IFNG-AS1: variants seen among roughly 807,000 people sequenced by gnomAD.
IFNG-AS1 encodes IFNG regulatory antisense RNA 1.
chr12:67,998,012 G>C (rs1879682671), intron 2 of IFNG-AS1, among the ~76,000 whole-genome samples: 1 of 152,064 alleles, frequency 6.6e-6, no homozygotes, highest in Admixed American at 6.5e-5. Context: ...TGTAGGGAAA[G>C]AGATACCCTC....
chr12:68,010,062 G>A (rs1879991627), intron 3 of IFNG-AS1, among the ~76,000 whole-genome samples: 1 of 152,176 alleles, frequency 6.6e-6, no homozygotes, highest in Non-Finnish European at 1.5e-5. Context: ...ACATATGAAT[G>A]TTTACCACTA....
chr12:68,010,788 T>C (rs1416740700), intron 3 of IFNG-AS1, among the ~76,000 whole-genome samples: 7 of 152,242 alleles, frequency 4.6e-5, no homozygotes, highest in Non-Finnish European at 1.0e-4. Flanking sequence ...ATACCCTTCA[T>C]GTGCCAGGCC....
chr12:68,006,669 T>G (rs1452012130), intron 3 of IFNG-AS1, among the ~76,000 whole-genome samples: 1 of 152,242 alleles, frequency 6.6e-6, no homozygotes, highest in Non-Finnish European at 1.5e-5. Context: ...TGGATCTGAC[T>G]TAATTAGCTG....
At chr12:68,002,254 A>G (rs971477178) in intron 2 of IFNG-AS1, among the ~76,000 whole-genome samples, 1 of 152,238 alleles carries the variant, frequency 6.6e-6, no homozygotes, top group Admixed American at 6.5e-5. Flanking sequence ...ATGGTAGGTC[A>G]TGGGGGGAGT....
At chr12:67,994,793 A>T (rs1879596791) in intron 1 of IFNG-AS1, among the ~76,000 whole-genome samples, 1 of 152,156 alleles carries the variant, frequency 6.6e-6, no homozygotes, top group South Asian at 2.1e-4. Context: ...GATGAAAGTG[A>T]TCCACCGCAG....
At chr12:67,993,082 A>T (rs1228411135) in intron 1 of IFNG-AS1, among the ~76,000 whole-genome samples, 1 of 152,178 alleles carries the variant, frequency 6.6e-6, no homozygotes, top group Non-Finnish European at 1.5e-5. Flanking sequence ...TCAGACACAA[A>T]CAGGTCCCCA....
intron 2 of IFNG-AS1, among the ~76,000 whole-genome samples, chr12:67,996,683 C>G (rs989065923): frequency 2.0e-5 from 3 of 152,282 alleles, no homozygotes; most frequent in Non-Finnish European, 2.9e-5. Context: ...CAGAAAAGCT[C>G]AGGAACTCAC....
chr12:68,007,225 G>T (rs372929311), intron 3 of IFNG-AS1, among the ~76,000 whole-genome samples: 45 of 152,128 alleles, frequency 3.0e-4, no homozygotes, highest in African/African-American at 1.0e-3. Flanking sequence ...CCATTCATAG[G>T]ATTATTTTGA....
chr12:68,006,297 A>C (rs545401521), intron 3 of IFNG-AS1, among the ~76,000 whole-genome samples: 1 of 152,260 alleles, frequency 6.6e-6, no homozygotes, highest in Admixed American at 6.5e-5. Context: ...TTTCAAAAAA[A>C]TTCCGAATTT....
chr12:68,001,137 C>A (rs1432816463), intron 2 of IFNG-AS1, among the ~76,000 whole-genome samples: 1 of 152,128 alleles, frequency 6.6e-6, no homozygotes, highest in Non-Finnish European at 1.5e-5. Flanking sequence ...ATAATGTATA[C>A]ATATGTGTGT....
intron 3 of IFNG-AS1, among the ~76,000 whole-genome samples, chr12:68,009,391 G>T (rs1469777977): frequency 6.6e-6 from 1 of 152,128 alleles, no homozygotes; most frequent in Non-Finnish European, 1.5e-5. Context: ...TGCCCAGGCT[G>T]GAGTGCAGTG....
chr12:68,015,845 A>G (rs1371920746), intron 3 of IFNG-AS1, among the ~76,000 whole-genome samples: 4 of 152,134 alleles, frequency 2.6e-5, no homozygotes, highest in African/African-American at 9.7e-5. Flanking sequence ...CCACCAGTAT[A>G]GCGTGGAGGT....
chr12:68,010,628 G>A (rs1013178810), intron 3 of IFNG-AS1, among the ~76,000 whole-genome samples: 2 of 152,088 alleles, frequency 1.3e-5, no homozygotes, highest in African/African-American at 4.8e-5. Flanking sequence ...AACTCTTGCT[G>A]ACCATAAAGT....
chr12:68,009,032 G>A (rs1879967322), intron 3 of IFNG-AS1, among the ~76,000 whole-genome samples: 1 of 152,152 alleles, frequency 6.6e-6, no homozygotes, highest in Non-Finnish European at 1.5e-5. Flanking sequence ...TTCCAAACTT[G>A]GCCATTTGAC....
chr12:67,992,073 T>G (rs752252688), intron 1 of IFNG-AS1, among the ~76,000 whole-genome samples: 4 of 152,220 alleles, frequency 2.6e-5, no homozygotes, highest in Non-Finnish European at 5.9e-5. Flanking sequence ...TCTCTCTGTC[T>G]CTGTATCCAG....
intron 1 of IFNG-AS1, among the ~76,000 whole-genome samples, chr12:67,994,053 T>C (rs549535397): frequency 2.6e-5 from 4 of 152,302 alleles, no homozygotes; most frequent in Admixed American, 1.3e-4. Flanking sequence ...ACCCCACTCA[T>C]TGTGGCATGG....
At chr12:68,016,777 T>G (rs1880165208) in intron 3 of IFNG-AS1, among the ~76,000 whole-genome samples, 1 of 152,192 alleles carries the variant, frequency 6.6e-6, no homozygotes, top group South Asian at 2.1e-4. Context: ...AAATATGACC[T>G]CCTTGCTAAA....
At chr12:68,002,128 A>G (rs567358738) in intron 2 of IFNG-AS1, among the ~76,000 whole-genome samples, 73 of 152,338 alleles carry the variant, frequency 4.8e-4, no homozygotes, top group Non-Finnish European at 8.1e-4. Context: ...CTAGCAAAAC[A>G]GGGGTGAGCT....
chr12:68,015,001 G>T lies in IFNG-AS1; in HGVS notation n.242-4861G>T, dbSNP rs185678300. On this transcript the variant is annotated intron_variant and non_coding_transcript_variant, in intron 3 of 5. Transcript: ENST00000536914. ...AGATAAAGGGCAACTAAAAAACCCA[G>T]GCACCAAGATCAAATATAAAACATG... Among the ~76,000 whole-genome samples the T allele has an allele frequency of 5.8e-3, 888 of 152,100 alleles. 7 individuals carry two copies. The highest frequency in any genetic ancestry group is 0.02 in the African/African-American group (840 of 41,468).
Sources: allele counts gnomAD v4.1 joint callset (sites outside exome capture counted in the v4.1 genomes callset), GRCh38; gene constraint gnomAD v4.1.1; transcripts MANE v1.5; gene names NCBI Gene and HGNC (gene_info 2026-07-23, HGNC 2026-07-21).